Variants in SPATA16 observed in about 807,000 individuals in gnomAD.
SPATA16 encodes the protein spermatogenesis associated 16.
In SPATA16, 36 loss-of-function variants were observed where a neutral mutation model predicts 63.3. The ratio of observed to expected loss-of-function variants is 0.57; its 90% CI spans 0.44 to 0.75. The LOEUF (loss-of-function observed/expected upper bound fraction) is 0.75, where lower values mean the gene tolerates loss of function less well. SPATA16 is among the 30% of genes least tolerant of loss of function. SPATA16 has a pLI of 0.00. For synonymous variants in SPATA16, 203 were observed against 216.7 expected, an observed-to-expected ratio of 0.94 and a Z score of 0.56; for missense variants, 646 against 679.3, an observed-to-expected ratio of 0.95 and a Z score of 0.54.
chr3:173,117,772 A>T (rs762325292), intron 1 of SPATA16, 23 bp from the exon 2 acceptor site: 2 of 1,613,892 alleles, frequency 1.2e-6, no homozygotes, highest in African/African-American at 2.7e-5. Context: ...GAAAAAGGAA[A>T]GTAATTAAGG....
intron 4 of SPATA16, among the ~76,000 whole-genome samples, chr3:173,001,444 C>A (rs1577126311): frequency 6.6e-6 from 1 of 152,056 alleles, no homozygotes; most frequent in Non-Finnish European, 1.5e-5. Flanking sequence ...TGGTGTATTT[C>A]AAAATGATTT....
In SPATA16 at chr3:172,901,700, C is replaced by G. The variant is rs183926066; in HGVS notation, c.1587+11961G>C. ...GAGGTTCAGGTTCCCAATTCACCCTCCATAACACCTGACGGAGAGGCTTCT... is the reference window on the plus strand; with the variant it reads ...GAGGTTCAGGTTCCCAATTCACCCTGCATAACACCTGACGGAGAGGCTTCT... On this transcript the variant is annotated intron_variant, in intron 10 of 10. Coordinates refer to ENST00000351008, the MANE Select transcript of SPATA16 (RefSeq NM_031955.6). Among the ~76,000 whole-genome samples, 23 of 152,284 alleles carry G rather than the reference C, an allele frequency of 1.5e-4. 1 individual carries two copies. The East Asian group carries it at 3.3e-3, about 22-fold the overall frequency.
chr3:172,962,253 C>CAAAAAA (rs71162320), intron 5 of SPATA16, among the ~76,000 whole-genome samples: 898 of 47,694 alleles, frequency 0.019, 125 homozygotes, highest in African/African-American at 0.076. Flanking sequence ...GACTCTGTCT[C>CAAAAAA]AAAAAAAAAA....
At chr3:172,966,003 A>G (rs888986569) in intron 5 of SPATA16, among the ~76,000 whole-genome samples, 1 of 152,204 alleles carries the variant, frequency 6.6e-6, no homozygotes, top group Non-Finnish European at 1.5e-5. Flanking sequence ...GTGGCCTCCT[A>G]TACATGACTT....
chr3:173,026,881 T>TC (rs1735465059), intron 3 of SPATA16, among the ~76,000 whole-genome samples: 1 of 151,908 alleles, frequency 6.6e-6, no homozygotes, highest in Non-Finnish European at 1.5e-5. Context: ...TTCTTTTTTT[T>TC]CCCCTCTAAC....
At chr3:172,976,264 G>C (rs1335135390) in intron 5 of SPATA16, among the ~76,000 whole-genome samples, 1 of 152,050 alleles carries the variant, frequency 6.6e-6, no homozygotes, top group Non-Finnish European at 1.5e-5. Flanking sequence ...TTAATAGTTA[G>C]CAAACTGGAT....
intron 2 of SPATA16, among the ~76,000 whole-genome samples, chr3:173,057,894 G>A (rs1175449175): frequency 6.6e-6 from 1 of 151,912 alleles, no homozygotes; most frequent in Non-Finnish European, 1.5e-5. Flanking sequence ...ATTTAACAAA[G>A]TCTTGGTCCA....
intron 2 of SPATA16, among the ~76,000 whole-genome samples, chr3:173,082,536 T>C (rs769357507): frequency 6.6e-6 from 1 of 152,226 alleles, no homozygotes; most frequent in Non-Finnish European, 1.5e-5. Flanking sequence ...CACCCATTGG[T>C]GGACACACAA....
chr3:173,111,220 G>A (rs1283088725), intron 2 of SPATA16, among the ~76,000 whole-genome samples: 1 of 152,150 alleles, frequency 6.6e-6, no homozygotes, highest in Non-Finnish European at 1.5e-5. Context: ...GAGTAAAAGT[G>A]CCTAGAACGT....
intron 1 of SPATA16, among the ~76,000 whole-genome samples, chr3:173,135,156 T>C (rs1322338055): frequency 6.6e-6 from 1 of 152,176 alleles, no homozygotes; most frequent in Admixed American, 6.5e-5. Flanking sequence ...AACGTTTTAA[T>C]AGACATATCA....
intron 1 of SPATA16, among the ~76,000 whole-genome samples, chr3:173,124,724 A>G (rs978093265): frequency 2.0e-5 from 3 of 152,162 alleles, no homozygotes; most frequent in African/African-American, 4.8e-5. Context: ...CTCTCTGTTT[A>G]ATGGAACACT....
At chr3:173,110,668 A>G (rs1197116520) in intron 2 of SPATA16, among the ~76,000 whole-genome samples, 1 of 152,214 alleles carries the variant, frequency 6.6e-6, no homozygotes, top group African/African-American at 2.4e-5. Context: ...TTTCTACTTA[A>G]TGGCATTCTA....
chr3:172,931,361 C>G (rs1344882598), intron 6 of SPATA16, among the ~76,000 whole-genome samples: 1 of 152,192 alleles, frequency 6.6e-6, no homozygotes, highest in Non-Finnish European at 1.5e-5. Flanking sequence ...CTGCCTCAGA[C>G]TCCAGAGAAG....
At chr3:173,084,263 G>T (rs1005399465) in intron 2 of SPATA16, among the ~76,000 whole-genome samples, 2 of 152,144 alleles carry the variant, frequency 1.3e-5, no homozygotes, top group Non-Finnish European at 2.9e-5. Context: ...TTTCTCTAAT[G>T]ATCAGCGATG....
chr3:172,944,811 C>T (rs1733242525), intron 6 of SPATA16, among the ~76,000 whole-genome samples: 1 of 151,936 alleles, frequency 6.6e-6, no homozygotes, highest in Non-Finnish European at 1.5e-5. Context: ...ATAGTGTTTG[C>T]TAGGGGATCT....
intron 4 of SPATA16, among the ~76,000 whole-genome samples, chr3:172,991,257 G>T (rs547137269): frequency 6.6e-6 from 1 of 152,148 alleles, no homozygotes; most frequent in East Asian, 1.9e-4. Context: ...CAGCCTCCAT[G>T]GTTAAATATA....
intron 2 of SPATA16, among the ~76,000 whole-genome samples, chr3:173,059,564 T>C (rs1372631691): frequency 1.3e-5 from 2 of 151,970 alleles, no homozygotes; most frequent in Non-Finnish European, 2.9e-5. Flanking sequence ...GAAGAGTTAG[T>C]TAAGAAAGTT....
intron 4 of SPATA16, among the ~76,000 whole-genome samples, chr3:173,010,274 G>A (rs1269937293): frequency 2.0e-5 from 3 of 152,160 alleles, no homozygotes; most frequent in Non-Finnish European, 2.9e-5. Context: ...CAGGTTGGGA[G>A]GGAACAAAGA....
intron 10 of SPATA16, among the ~76,000 whole-genome samples, chr3:172,906,791 G>T (rs1193399075): frequency 1.3e-5 from 2 of 152,058 alleles, no homozygotes; most frequent in Non-Finnish European, 1.5e-5. Context: ...GCCCAGGCTG[G>T]AATGCAGTGG....
Sources: allele counts gnomAD v4.1 joint callset (sites outside exome capture counted in the v4.1 genomes callset), GRCh38; gene constraint gnomAD v4.1.1; transcripts MANE v1.5; gene names NCBI Gene and HGNC (gene_info 2026-07-23, HGNC 2026-07-21).